HHAT: variants seen among roughly 807,000 people sequenced by gnomAD.
The protein encoded by HHAT is protein-cysteine N-palmitoyltransferase HHAT.
A neutral mutation model predicts 70.8 loss-of-function variants in HHAT; 47 were observed. The observed-to-expected ratio is 0.66, with a 90% CI of 0.53 to 0.85. HHAT has a LOEUF of 0.85. Among genes scored for constraint, HHAT ranks in the 40% least tolerant of loss-of-function variants. HHAT has a pLI of 0.00. For missense variants in HHAT, 609 were observed against 604.8 expected (o/e 1.01, Z -0.07); for synonymous variants, 228 against 247.6 (o/e 0.92, Z 0.74).
intron 7 of HHAT, among the ~76,000 whole-genome samples, chr1:210,422,843 G>A (rs1052822062): frequency 2.6e-5 from 4 of 152,050 alleles, no homozygotes; most frequent in African/African-American, 9.7e-5. Context: ...CACCACGTTG[G>A]CCAGGCTGGT....
chr1:210,595,013 G>A (rs1186967512), intron 10 of HHAT, among the ~76,000 whole-genome samples: 5 of 151,686 alleles, frequency 3.3e-5, no homozygotes, highest in South Asian at 2.1e-4. Context: ...TGTGCACAAC[G>A]TGCAGGTTTT....
intron 9 of HHAT, among the ~76,000 whole-genome samples, chr1:210,564,116 A>G (rs181566694): frequency 0.081 from 8,791 of 108,718 alleles, 821 homozygotes; most frequent in African/African-American, 0.23. Flanking sequence ...ACCATGCCCA[A>G]CTATTTTTTT....
intron 8 of HHAT, among the ~76,000 whole-genome samples, chr1:210,488,752 G>A (rs930640887): frequency 6.6e-6 from 1 of 150,856 alleles, no homozygotes; most frequent in Non-Finnish European, 1.5e-5. Flanking sequence ...AATGAGTAGA[G>A]CTTGGTGGTA....
At chr1:210,577,791 A>G (rs1658234622) in intron 9 of HHAT, among the ~76,000 whole-genome samples, 1 of 151,756 alleles carries the variant, frequency 6.6e-6, no homozygotes, top group African/African-American at 2.4e-5. Flanking sequence ...GATTACAGGC[A>G]TGCACCACCA....
At chr1:210,360,655 C>A (rs77957490) in intron 2 of HHAT, among the ~76,000 whole-genome samples, 4,913 of 152,022 alleles carry the variant, frequency 0.032, 96 homozygotes, top group Middle Eastern at 0.054. Flanking sequence ...ATATTGTACT[C>A]GTGGGCCACA....
chr1:210,440,582 A>G lies in HHAT; in HGVS notation c.856+22257A>G, dbSNP rs983497158. ...TGGGACAGTGAGTCCTTCATTGCCTAAGGAAATCTGGGCAGTGCATCCTAG... is the reference window on the plus strand; with the variant it reads ...TGGGACAGTGAGTCCTTCATTGCCTGAGGAAATCTGGGCAGTGCATCCTAG... On this transcript the variant is annotated intron_variant, in intron 7 of 11. Transcript: ENST00000261458. Among the ~76,000 whole-genome samples the G allele has an allele frequency of 5.5e-4, 84 of 151,846 alleles. 2 individuals are homozygous for G. The highest frequency in any genetic ancestry group is 1.9e-3 in the African/African-American group (77 of 41,128).
chr1:210,340,253 A>AGGG (rs2085915185), intron 1 of HHAT, among the ~76,000 whole-genome samples: 1 of 149,894 alleles, frequency 6.7e-6, no homozygotes, highest in African/African-American at 2.4e-5. Flanking sequence ...AAAAAAAAAA[A>AGGG]AAAAAAAAAA....
At chr1:210,630,404 T>G (rs1309723108) in intron 11 of HHAT, among the ~76,000 whole-genome samples, 1 of 152,204 alleles carries the variant, frequency 6.6e-6, no homozygotes, top group Non-Finnish European at 1.5e-5. Context: ...ATAGCTTCTT[T>G]CTAAAGAGAT....
chr1:210,438,066 C>A (rs552910109), intron 7 of HHAT, among the ~76,000 whole-genome samples: 6 of 151,914 alleles, frequency 3.9e-5, no homozygotes, highest in Admixed American at 2.0e-4. Flanking sequence ...CCTCTTGGGG[C>A]CTTAGGTGTG....
intron 8 of HHAT, among the ~76,000 whole-genome samples, chr1:210,479,269 T>A (rs2094354666): frequency 6.6e-6 from 1 of 152,284 alleles, no homozygotes; most frequent in Non-Finnish European, 1.5e-5. Flanking sequence ...TTCTCTTTGG[T>A]CAAGGAGTAT....
chr1:210,645,944 T>C (rs1673963265), intron 11 of HHAT, among the ~76,000 whole-genome samples: 1 of 152,170 alleles, frequency 6.6e-6, no homozygotes, highest in South Asian at 2.1e-4. Context: ...CAGATTTCCA[T>C]CAGGAGTTTA....
intron 10 of HHAT, among the ~76,000 whole-genome samples, chr1:210,617,404 G>A (rs923700066): frequency 6.6e-6 from 1 of 152,206 alleles, no homozygotes; most frequent in African/African-American, 2.4e-5. Flanking sequence ...GAGAGAGGAA[G>A]GCTAGAGTAT....
chr1:210,657,493 C>T (rs921415593), intron 11 of HHAT, among the ~76,000 whole-genome samples: 12 of 152,182 alleles, frequency 7.9e-5, no homozygotes, highest in Admixed American at 3.3e-4. Flanking sequence ...AGCTCATCAT[C>T]GCTTCTGAGA....
chr1:210,622,325 C>T (rs984777226), intron 10 of HHAT, among the ~76,000 whole-genome samples: 3 of 152,086 alleles, frequency 2.0e-5, no homozygotes, highest in East Asian at 3.9e-4. Flanking sequence ...GTGGATTAGG[C>T]GGAGGTGCTT....
Position 210,336,792 on chromosome 1 carries a change from TAAAA to T in HHAT, c.-44+7691_-44+7694del, listed in dbSNP as rs570563163. On this transcript the variant is annotated intron_variant, in intron 1 of 11. Coordinates refer to ENST00000261458, the MANE Select transcript of HHAT (RefSeq NM_018194.6). ...AGTGAGACCCTGTTTAAGAAAAAAATAAAAAATAAGAAAAAGGAAGCCTTAAGGT... is the reference window on the plus strand; with the variant it reads ...AGTGAGACCCTGTTTAAGAAAAAAATAATAAGAAAAAGGAAGCCTTAAGGT... Among the ~76,000 whole-genome samples the T allele has an allele frequency of 3.0e-3, 453 of 152,064 alleles. 1 individual carries two copies. Among genetic ancestry groups the T allele is most frequent in the African/African-American group, 0.01 (433 of 41,500 alleles).
At chr1:210,646,845 T>C (rs568003688) in intron 11 of HHAT, among the ~76,000 whole-genome samples, 16 of 152,218 alleles carry the variant, frequency 1.1e-4, no homozygotes, top group Non-Finnish European at 2.2e-4. Context: ...TCTGAGAAAT[T>C]AATGGCTAGT....
intron 9 of HHAT, among the ~76,000 whole-genome samples, chr1:210,577,756 C>T (rs1658228714): frequency 6.8e-6 from 1 of 146,358 alleles, no homozygotes; most frequent in African/African-American, 2.5e-5. Context: ...AAGCAATTCT[C>T]CTGTCTCAGT....
chr1:210,493,246 G>A (rs2094578823), intron 8 of HHAT, among the ~76,000 whole-genome samples: 1 of 151,984 alleles, frequency 6.6e-6, no homozygotes, highest in South Asian at 2.1e-4. Flanking sequence ...ATGTATGTAT[G>A]TGCATGTATA....
At chr1:210,358,555 G>A (rs112037065) in intron 2 of HHAT, among the ~76,000 whole-genome samples, 249 of 152,272 alleles carry the variant, frequency 1.6e-3, no homozygotes, top group African/African-American at 5.6e-3. Context: ...TTTGAGAGTT[G>A]CTTACCGCTA....
Sources: gnomAD v4.1 joint callset for allele counts (sites outside exome capture counted in the v4.1 genomes callset) on GRCh38, gnomAD v4.1.1 for gene constraint, MANE v1.5 for transcripts, NCBI Gene and HGNC (gene_info 2026-07-23, HGNC 2026-07-21) for gene names.